The following THSD7B variants were observed in gnomAD, a reference collection of about 807,000 sequenced individuals.
THSD7B encodes the protein thrombospondin type 1 domain containing 7B.
THSD7B carries 138 observed loss-of-function variants against 213.6 expected under a neutral mutation model. The ratio of observed to expected loss-of-function variants is 0.65; its 90% CI spans 0.56 to 0.74. THSD7B has a LOEUF of 0.74. Ranked by LOEUF, THSD7B falls within the 30% of genes least tolerant of loss-of-function variation. The probability of loss-of-function intolerance (pLI) is 0.00; values close to 1 mark genes in which losing one functional copy is unlikely to be tolerated. For missense variants in THSD7B, 1,931 were observed against 1,991.5 expected (o/e 0.97, Z 0.58); for synonymous variants, 742 against 687.0 (o/e 1.08, Z -1.25).
At chr2:137,031,341 T>C (rs1686662961) in intron 2 of THSD7B, among the ~76,000 whole-genome samples, 1 of 152,134 alleles carries the variant, frequency 6.6e-6, no homozygotes, top group Admixed American at 6.6e-5. Flanking sequence ...TGAGACTCTG[T>C]CTCTGAATGG....
intron 2 of THSD7B, among the ~76,000 whole-genome samples, chr2:136,977,460 T>G (rs1183026581): frequency 6.6e-6 from 1 of 152,198 alleles, no homozygotes; most frequent in Non-Finnish European, 1.5e-5. Context: ...TCTATCTCCT[T>G]CAGTGCTGCT....
chr2:137,549,925 T>C (rs1176752885), intron 15 of THSD7B, among the ~76,000 whole-genome samples: 1 of 152,114 alleles, frequency 6.6e-6, no homozygotes, highest in Non-Finnish European at 1.5e-5. Flanking sequence ...TGTTGCTTTT[T>C]TTCACTTGAA....
chr2:136,842,757 G>A (rs961884403), intron 1 of THSD7B, among the ~76,000 whole-genome samples: 1 of 152,130 alleles, frequency 6.6e-6, no homozygotes, highest in African/African-American at 2.4e-5. Context: ...GGTTGCTTTG[G>A]CTTTGATTCC....
chr2:136,969,600 T>G (rs1685373033), intron 2 of THSD7B, among the ~76,000 whole-genome samples: 1 of 152,222 alleles, frequency 6.6e-6, no homozygotes, highest in Admixed American at 6.5e-5. Context: ...AGGGTTTTTT[T>G]GCAAAAATAT....
chr2:137,280,715 T>C (rs1210468729), intron 12 of THSD7B, among the ~76,000 whole-genome samples: 1 of 152,048 alleles, frequency 6.6e-6, no homozygotes, highest in African/African-American at 2.4e-5. Flanking sequence ...TTTTTAATGG[T>C]GACTTATATT....
intron 12 of THSD7B, among the ~76,000 whole-genome samples, chr2:137,403,134 A>C (rs933693350): frequency 2.0e-5 from 3 of 147,988 alleles, no homozygotes; most frequent in Non-Finnish European, 4.4e-5. Flanking sequence ...AAACGAAAAC[A>C]AAAAATATTC....
intron 2 of THSD7B, among the ~76,000 whole-genome samples, chr2:136,969,780 C>T (rs907877711): frequency 6.6e-6 from 1 of 152,044 alleles, no homozygotes; most frequent in African/African-American, 2.4e-5. Flanking sequence ...CCCAAGTCTC[C>T]CTAAAATGTT....
At chr2:137,262,454 G>A (rs1428091991) in intron 10 of THSD7B, among the ~76,000 whole-genome samples, 4 of 148,326 alleles carry the variant, frequency 2.7e-5, no homozygotes, top group African/African-American at 5.0e-5. Context: ...CAGGATTTGC[G>A]GAAAAAAAAA....
At chr2:137,547,773 G>C (rs1303483006) in intron 15 of THSD7B, among the ~76,000 whole-genome samples, 1 of 151,982 alleles carries the variant, frequency 6.6e-6, no homozygotes, top group Non-Finnish European at 1.5e-5. Context: ...CTGATAGACT[G>C]TGGAATAAGT....
chr2:137,649,294 T>TTGCTTTGATTGCCTG (rs1433391218), intron 21 of THSD7B, among the ~76,000 whole-genome samples: 2 of 152,224 alleles, frequency 1.3e-5, no homozygotes, highest in African/African-American at 4.8e-5. Flanking sequence ...TTGTCTATTT[T>TTGCTTTGATTGCCTG]TGCTTTGATT....
At chr2:137,077,921 A>G (rs1463588409) in intron 3 of THSD7B, among the ~76,000 whole-genome samples, 2 of 152,106 alleles carry the variant, frequency 1.3e-5, no homozygotes, top group Non-Finnish European at 1.5e-5. Flanking sequence ...CCTGAATGGT[A>G]TTGCCTAGGT....
chr2:137,584,906 G>A (rs944798264), intron 17 of THSD7B, among the ~76,000 whole-genome samples: 12 of 152,178 alleles, frequency 7.9e-5, no homozygotes, highest in African/African-American at 2.9e-4. Flanking sequence ...GTTTCAGAAG[G>A]AATGGTACCA....
chr2:137,174,788 C>T (rs182274602), intron 7 of THSD7B, among the ~76,000 whole-genome samples: 1 of 152,270 alleles, frequency 6.6e-6, no homozygotes, highest in East Asian at 1.9e-4. Flanking sequence ...TGCACAATAT[C>T]TTATCAAATG....
At chr2:137,582,660 G>C (rs968716819) in intron 17 of THSD7B, among the ~76,000 whole-genome samples, 3 of 152,076 alleles carry the variant, frequency 2.0e-5, no homozygotes, top group Non-Finnish European at 4.4e-5. Flanking sequence ...CCCTACAAAG[G>C]ACATGAACTC....
rs1266199076 is a variant in THSD7B at position 137,056,942 on chromosome 2, C to G, written c.662C>G (p.Thr221Ser). Reference sequence around the variant, plus strand: ...GGTGGTTTGCAATGTCCAAATCTGACTGAGTCAAGAGCCTGTGATGCTCCC... The same window carrying G: ...GGTGGTTTGCAATGTCCAAATCTGAGTGAGTCAAGAGCCTGTGATGCTCCC... ...LFGGLQCPNL[T>S]ESRACDAPIS... The change falls in exon 3 of 28, where the codon ACT (threonine) becomes AGT (serine). Residue 221 changes from threonine to serine, a missense_variant. Physicochemically the swap from Thr to Ser is moderately conservative, Grantham distance 58. Transcript: ENST00000409968. 6.2e-7 allele frequency: 1 copy of G among 1,613,948 alleles called. No homozygotes were observed. Among genetic ancestry groups the G allele is most frequent in the South Asian group, 1.1e-5 (1 of 91,086 alleles).
At chr2:137,167,321 C>T (rs573018376) in intron 6 of THSD7B, among the ~76,000 whole-genome samples, 1 of 152,130 alleles carries the variant, frequency 6.6e-6, no homozygotes, top group South Asian at 2.1e-4. Context: ...CTGCCTCAGC[C>T]TCCTGAGTAG....
At chr2:137,065,634 C>T (rs1261220367) in intron 3 of THSD7B, among the ~76,000 whole-genome samples, 1 of 151,898 alleles carries the variant, frequency 6.6e-6, no homozygotes, top group African/African-American at 2.4e-5. Context: ...CTTCCTCTGT[C>T]CTCTCTGATT....
intron 9 of THSD7B, among the ~76,000 whole-genome samples, chr2:137,241,486 G>A (rs1472503737): frequency 6.6e-6 from 1 of 152,080 alleles, no homozygotes; most frequent in African/African-American, 2.4e-5. Flanking sequence ...CCAAGTCTGG[G>A]CACTAAATTA....
intron 12 of THSD7B, among the ~76,000 whole-genome samples, chr2:137,380,394 A>G (rs138980513): frequency 0.012 from 1,856 of 152,282 alleles, 16 homozygotes; most frequent in Non-Finnish European, 0.019. Context: ...TTTCCAGGAC[A>G]TAGGACTCTC....
Sources: allele counts gnomAD v4.1 joint callset (sites outside exome capture counted in the v4.1 genomes callset), GRCh38; gene constraint gnomAD v4.1.1; transcripts MANE v1.5; gene names NCBI Gene and HGNC (gene_info 2026-07-23, HGNC 2026-07-21).